Variants in EPS15 observed in about 807,000 individuals in gnomAD.
EPS15 encodes epidermal growth factor receptor substrate 15.
In EPS15, 72 loss-of-function variants were observed where a neutral mutation model predicts 113.8. The observed-to-expected ratio is 0.63, with a 90% CI of 0.52 to 0.77. EPS15 has a LOEUF of 0.77. EPS15 is among the 30% of genes least tolerant of loss of function. The pLI is 0.00. For missense variants in EPS15, 1,048 were observed against 1,045.8 expected, an observed-to-expected ratio of 1.00 and a Z score of -0.03; for synonymous variants, 344 against 363.4, an observed-to-expected ratio of 0.95 and a Z score of 0.61.
chr1:51,365,177 T>C (rs1646481158), intron 22 of EPS15, among the ~76,000 whole-genome samples: 1 of 152,214 alleles, frequency 6.6e-6, no homozygotes, highest in East Asian at 1.9e-4. Flanking sequence ...TTCAAATATG[T>C]AACAAAAGAT....
At chr1:51,420,934 A>G (rs1243439652) in intron 13 of EPS15, among the ~76,000 whole-genome samples, 1 of 152,188 alleles carries the variant, frequency 6.6e-6, no homozygotes, top group Non-Finnish European at 1.5e-5. Context: ...GGAAAATCCA[A>G]CATACAAGCA....
At chr1:51,362,149 G>A (rs1439370730) in intron 23 of EPS15, among the ~76,000 whole-genome samples, 2 of 152,126 alleles carry the variant, frequency 1.3e-5, no homozygotes, top group Non-Finnish European at 2.9e-5. Flanking sequence ...GCATAAGCTG[G>A]TAATAGCAAT....
At chr1:51,467,052 A>G (rs1014019735) in intron 5 of EPS15, among the ~76,000 whole-genome samples, 13 of 152,262 alleles carry the variant, frequency 8.5e-5, no homozygotes, top group South Asian at 4.1e-4. Flanking sequence ...AGAAAAGCTT[A>G]TAAGAAAGCT....
chr1:51,484,111 TC>T (rs1212735039), intron 1 of EPS15, among the ~76,000 whole-genome samples: 1 of 151,686 alleles, frequency 6.6e-6, no homozygotes, highest in Non-Finnish European at 1.5e-5. Flanking sequence ...ACCCTGTCTC[TC>T]AAAAAAAAGT....
rs775294980 is a variant in EPS15 at position 51,405,900 on chromosome 1, C to T, written c.1677+5G>A. On this transcript the variant is annotated splice_donor_5th_base_variant and intron_variant, in intron 16 of 24. Coordinates refer to ENST00000371733, the MANE Select transcript of EPS15 (RefSeq NM_001981.3). ...TTATGAAGGTTATGAAAGTATTAGA[C>T]TCACTGGAGATTCCTGGTGTATGGG... 6 of 1,612,404 alleles carry T rather than the reference C, an allele frequency of 3.7e-6. No homozygotes were observed. The highest frequency in any genetic ancestry group is 5.1e-6 in the Non-Finnish European group (6 of 1,178,600).
chr1:51,442,805 T>C (rs1326275510), intron 11 of EPS15, among the ~76,000 whole-genome samples: 1 of 152,002 alleles, frequency 6.6e-6, no homozygotes, highest in Non-Finnish European at 1.5e-5. Context: ...AGGCATAAAG[T>C]AAAGCTCTAA....
chr1:51,486,959 T>G (rs186219893), intron 1 of EPS15, among the ~76,000 whole-genome samples: 1 of 152,290 alleles, frequency 6.6e-6, no homozygotes, highest in East Asian at 1.9e-4. Flanking sequence ...CATAAGCCAC[T>G]GCGCCCAGCC....
At chr1:51,401,235 T>C in intron 18 of EPS15, 1 of 254,174 alleles carries the variant, frequency 3.9e-6, no homozygotes, top group Non-Finnish European at 7.4e-6. Context: ...GGTATTATCA[T>C]CACCAGTTCA....
At chr1:51,383,129 A>C (rs891537703) in intron 21 of EPS15, among the ~76,000 whole-genome samples, 1 of 152,242 alleles carries the variant, frequency 6.6e-6, no homozygotes, top group Admixed American at 6.5e-5. Flanking sequence ...GAAAAATACA[A>C]CACCAATCAT....
intron 4 of EPS15, among the ~76,000 whole-genome samples, chr1:51,469,410 T>C (rs1365707712): frequency 6.6e-6 from 1 of 152,076 alleles, no homozygotes; most frequent in Non-Finnish European, 1.5e-5. Flanking sequence ...ATTATAAATC[T>C]CTCCCAAAAG....
intron 1 of EPS15, among the ~76,000 whole-genome samples, chr1:51,482,435 A>C (rs72679114): frequency 0.022 from 3,333 of 152,234 alleles, 32 homozygotes; most frequent in Middle Eastern, 0.034. Flanking sequence ...TAAGATTATA[A>C]AATTTTGTAG....
chr1:51,439,790 T>A (rs1652442256), intron 12 of EPS15, among the ~76,000 whole-genome samples: 1 of 152,072 alleles, frequency 6.6e-6, no homozygotes, highest in Non-Finnish European at 1.5e-5. Flanking sequence ...GCAAAATATC[T>A]AAGCATCTTA....
chr1:51,416,113 C>T (rs1006910454), intron 13 of EPS15, among the ~76,000 whole-genome samples: 8 of 152,120 alleles, frequency 5.3e-5, no homozygotes, highest in Admixed American at 2.0e-4. Flanking sequence ...TCTCCTCCCC[C>T]GCCATGCCCT....
At chr1:51,438,100 T>G (rs1232532689) in intron 12 of EPS15, among the ~76,000 whole-genome samples, 1 of 152,192 alleles carries the variant, frequency 6.6e-6, no homozygotes, top group Non-Finnish European at 1.5e-5. Flanking sequence ...AGCATGGGGA[T>G]GAGTCTGACT....
At position 51,447,015 on chromosome 1, in the gene EPS15, C is replaced by T; in HGVS notation, c.742G>A (p.Val248Ile). Residue 248 changes from valine (V) to isoleucine (I), a missense_variant, in exon 10 of 25, where the codon GTC becomes ATC. By Grantham distance (29) the Val-to-Ile change is conservative. Coordinates refer to ENST00000371733, the MANE Select transcript of EPS15 (RefSeq NM_001981.3). The stretch of plus-strand genomic sequence containing the variant: ...CCTGTTTTCAAGAATATTTCACGGA[C>T]CTCCAATCCAGACACAAATCCGTCC... ...DMDGFVSGLE[V>I]REIFLKTGLP... The T allele has an allele frequency of 6.2e-7, 1 of 1,613,330 alleles. No homozygotes were observed. The highest frequency in any genetic ancestry group is 2.2e-5 in the East Asian group (1 of 44,840).
At chr1:51,455,410 C>A (rs927514648) in intron 8 of EPS15, among the ~76,000 whole-genome samples, 1 of 151,742 alleles carries the variant, frequency 6.6e-6, no homozygotes, top group African/African-American at 2.4e-5. Flanking sequence ...GCCAACACGG[C>A]GAAACCCCAT....
In EPS15 at chr1:51,481,330, T is replaced by A. The variant is rs775396524; in HGVS notation, c.34-16A>T. ...CACTTGATAACTGAAATAAACACAT[T>A]AATAAAAATTAGATGCTATTCATTA... On this transcript the variant is annotated splice_polypyrimidine_tract_variant and intron_variant, in intron 1 of 24. Coordinates refer to ENST00000371733, the MANE Select transcript of EPS15 (RefSeq NM_001981.3). The A allele has an allele frequency of 2.1e-5, 23 of 1,074,536 alleles. No homozygotes were observed. Among genetic ancestry groups the A allele is most frequent in the Middle Eastern group, 4.0e-4 (2 of 5,004 alleles). 66.6% of individuals were successfully genotyped at this position (1,074,536 alleles called of 1,614,324 possible). A position where few individuals can be genotyped will look rare whatever the true frequency, so the allele number is the denominator to read the frequency against.
intron 13 of EPS15, among the ~76,000 whole-genome samples, chr1:51,413,470 T>G (rs1468577561): frequency 1.3e-5 from 2 of 152,206 alleles, no homozygotes; most frequent in Non-Finnish European, 1.5e-5. Flanking sequence ...GATTTTAGTA[T>G]GTGGGAAAAA....
intron 13 of EPS15, among the ~76,000 whole-genome samples, chr1:51,410,118 A>C (rs145152646): frequency 0.045 from 6,825 of 151,902 alleles, 237 homozygotes; most frequent in Middle Eastern, 0.12. Flanking sequence ...AATCCCAGCT[A>C]CTCGGGAGGC....
Sources: gnomAD v4.1 joint callset for allele counts (sites outside exome capture counted in the v4.1 genomes callset) on GRCh38, gnomAD v4.1.1 for gene constraint, MANE v1.5 for transcripts, NCBI Gene and HGNC (gene_info 2026-07-23, HGNC 2026-07-21) for gene names.